The following IL1RL1 variants were observed in gnomAD, a reference collection of about 807,000 sequenced individuals.
IL1RL1 encodes interleukin-1 receptor-like 1.
Under a neutral mutation model 50.9 loss-of-function variants are expected in IL1RL1, and 32 were observed. That is an observed-to-expected ratio of 0.63 (90% CI 0.47 to 0.84). The LOEUF is 0.84. Among genes scored for constraint, IL1RL1 ranks in the 40% least tolerant of loss-of-function variants. The probability of loss-of-function intolerance (pLI) is 0.00; values close to 1 mark genes in which losing one functional copy is unlikely to be tolerated. For synonymous variants in IL1RL1, 275 were observed against 236.0 expected (o/e 1.17, Z -1.51); for missense variants, 773 against 662.9 (o/e 1.17, Z -1.82).
chr2:102,341,177 T>C, intron 5 of IL1RL1: 1 of 1,106,310 alleles, frequency 9.0e-7, no homozygotes, highest in Non-Finnish European at 1.1e-6. Context: ...GCTTTTTTTT[T>C]TTTTTTCTAG....
chr2:102,317,225 G>A (rs954756658), intron 1 of IL1RL1, among the ~76,000 whole-genome samples: 1 of 151,892 alleles, frequency 6.6e-6, no homozygotes, highest in Non-Finnish European at 1.5e-5. Flanking sequence ...GTGGTGGTGG[G>A]CGCCTGTAGT....
chr2:102,344,906 T>C (rs13014044), intron 8 of IL1RL1: 104,538 of 971,540 alleles, frequency 0.11, 6,120 homozygotes, highest in Middle Eastern at 0.27. Context: ...AGGATTTTAA[T>C]GATATCATTA....
rs1559592178 is a variant in IL1RL1, at chr2:102,311,981, ATATATAT to A, written c.-150+366_-150+372del. 9.4e-5 allele frequency among the ~76,000 whole-genome samples: 3 copies of A among 32,050 alleles called. 1 individual carries two copies. Among genetic ancestry groups the A allele is most frequent in the African/African-American group, 4.5e-4 (2 of 4,470 alleles). The allele number at this position is 32,050 out of a possible 152,430, so 21.0% of individuals were successfully genotyped here. A position where few individuals can be genotyped will look rare whatever the true frequency, so the allele number is the denominator to read the frequency against. On this transcript the variant is annotated intron_variant, in intron 1 of 10. Coordinates refer to ENST00000233954, the MANE Select transcript of IL1RL1 (RefSeq NM_016232.5). ...TATATTATATATAATATTATATATA[ATATATAT>A]TATATATAATATATTTATATATATT...
intron 1 of IL1RL1, among the ~76,000 whole-genome samples, chr2:102,325,977 A>G (rs973914149): frequency 1.3e-5 from 2 of 152,214 alleles, no homozygotes; most frequent in African/African-American, 2.4e-5. Context: ...GCAGGCCAAC[A>G]TTCAAATTCA....
chr2:102,323,247 TTATA>T (rs371889389), intron 1 of IL1RL1, among the ~76,000 whole-genome samples: 4,467 of 98,538 alleles, frequency 0.045, 260 homozygotes, highest in African/African-American at 0.16. Flanking sequence ...TTGTTAGGTT[TTATA>T]TATATATATA....
chr2:102,316,782 C>G (rs1021539742), intron 1 of IL1RL1, among the ~76,000 whole-genome samples: 1 of 152,064 alleles, frequency 6.6e-6, no homozygotes, highest in Non-Finnish European at 1.5e-5. Context: ...ATTTAAGAGA[C>G]AAAATATTAT....
At chr2:102,316,184 A>T (rs1326029639) in intron 1 of IL1RL1, among the ~76,000 whole-genome samples, 2 of 152,212 alleles carry the variant, frequency 1.3e-5, no homozygotes, top group African/African-American at 4.8e-5. Context: ...CAGTTAGTTA[A>T]TCATGTCTTG....
chr2:102,319,824 G>C (rs1461033561), intron 1 of IL1RL1, among the ~76,000 whole-genome samples: 1 of 152,124 alleles, frequency 6.6e-6, no homozygotes, highest in African/African-American at 2.4e-5. Context: ...AAGAAGCTGG[G>C]ACCATGGGCA....
chr2:102,338,048 G>C (rs1247976853), intron 1 of IL1RL1, 68 bp from the exon 2 acceptor site: 1 of 372,376 alleles, frequency 2.7e-6, no homozygotes, highest in Admixed American at 4.4e-5. Context: ...CTCCTGGGTG[G>C]TGCTGAGAAA....
intron 8 of IL1RL1, chr2:102,345,887 C>A: frequency 1.0e-6 from 1 of 985,406 alleles, no homozygotes; most frequent in Non-Finnish European, 1.2e-6. Context: ...CCAGCCTGCC[C>A]ACTCACACTG....
rs1431423038 is a variant in IL1RL1, at chr2:102,345,723, G to A, written c.971-2222G>A. 8.1e-6 allele frequency: 8 copies of A among 985,420 alleles called. No homozygotes were observed. The East Asian group carries it at 3.4e-4, about 42-fold the overall frequency. 61.0% of individuals were successfully genotyped at this position (985,420 alleles called of 1,614,324 possible). A position where few individuals can be genotyped will look rare whatever the true frequency, so the allele number is the denominator to read the frequency against. On this transcript the variant is annotated intron_variant, in intron 8 of 10. Coordinates refer to ENST00000233954, the MANE Select transcript of IL1RL1 (RefSeq NM_016232.5). ...TAAAATAAACAGAATCATAACTCAT[G>A]TAGATGGCTATAAGTGCCGTAGTGT... is the stretch of plus-strand genomic sequence containing the variant.
intron 8 of IL1RL1, among the ~76,000 whole-genome samples, chr2:102,346,258 C>T (rs1677779036): frequency 6.6e-6 from 1 of 152,090 alleles, no homozygotes; most frequent in African/African-American, 2.4e-5. Context: ...TTCATTATTT[C>T]CTATGTACAA....
chr2:102,350,631 G>C (rs1364581361), intron 10 of IL1RL1, among the ~76,000 whole-genome samples: 1 of 152,250 alleles, frequency 6.6e-6, no homozygotes, highest in African/African-American at 2.4e-5. Flanking sequence ...CAGTGGCCCT[G>C]GGTGGCTGAT....
In IL1RL1 at chr2:102,315,744, C is replaced by A. The variant is rs138853514; in HGVS notation, c.-150+4121C>A. Among the ~76,000 whole-genome samples the A allele has an allele frequency of 1.3e-3, 204 of 152,278 alleles. 1 individual carries two copies. Among genetic ancestry groups the A allele is most frequent in the African/African-American group, 4.8e-3 (200 of 41,524 alleles). ...AACGTACACACCAACTCTCAAGACA[C>A]CAGAAAAATCACCCTTTAGAGGAAT... is the stretch of plus-strand genomic sequence containing the variant. On this transcript the variant is annotated intron_variant, in intron 1 of 10. Coordinates refer to ENST00000233954, the MANE Select transcript of IL1RL1 (RefSeq NM_016232.5).
intron 5 of IL1RL1, chr2:102,341,241 C>A: frequency 8.1e-7 from 1 of 1,230,150 alleles, no homozygotes; most frequent in Non-Finnish European, 1.0e-6. Context: ...TAGTAATACT[C>A]ATTGGATTCA....
chr2:102,344,027 T>C (rs13007174), intron 8 of IL1RL1: 52,122 of 445,558 alleles, frequency 0.12, 3,392 homozygotes, highest in Middle Eastern at 0.29. Flanking sequence ...TGGCTCACAG[T>C]TCTGCAGGCT....
At position 102,349,239 on chromosome 2, in the gene IL1RL1, T is replaced by C; in HGVS notation, c.1278T>C (p.Pro426=). 5 of 1,613,200 alleles carry C rather than the reference T, an allele frequency of 3.1e-6. No homozygotes were observed. The highest frequency in any genetic ancestry group is 1.1e-5 in the South Asian group (1 of 91,076). The change falls in exon 10 of 11, where the codon CCT becomes CCC. Residue 426 remains proline (P), a synonymous_variant. Transcript: ENST00000233954. ...GCATTTATGGGAGAGATATGCTACC[T>C]GGAGAAGGTAAAGCTATTGACATAC... ...TLCIYGRDML[P]GEDVVTAVET...
chr2:102,329,329 A>C (rs547993401), intron 1 of IL1RL1, among the ~76,000 whole-genome samples: 1 of 152,354 alleles, frequency 6.6e-6, no homozygotes, highest in South Asian at 2.1e-4. Flanking sequence ...ACCTTATACA[A>C]AAATTAATTC....
intron 1 of IL1RL1, among the ~76,000 whole-genome samples, chr2:102,329,890 G>A (rs1677124849): frequency 6.6e-6 from 1 of 152,166 alleles, no homozygotes; most frequent in Non-Finnish European, 1.5e-5. Context: ...CACCGTTGGT[G>A]GGACTGTAAA....
Sources: allele counts gnomAD v4.1 joint callset (sites outside exome capture counted in the v4.1 genomes callset), GRCh38; gene constraint gnomAD v4.1.1; transcripts MANE v1.5; gene names NCBI Gene and HGNC (gene_info 2026-07-23, HGNC 2026-07-21).